AXDND1: variants seen among roughly 807,000 people sequenced by gnomAD.
AXDND1 encodes axonemal dynein light chain domain containing 1.
AXDND1 carries 110 observed loss-of-function variants against 137.5 expected under a neutral mutation model. The observed-to-expected ratio is 0.80, with a 90% CI of 0.69 to 0.94. The LOEUF (loss-of-function observed/expected upper bound fraction) is 0.94, where lower values mean the gene tolerates loss of function less well. AXDND1 is among the 40% of genes least tolerant of loss of function. The probability of loss-of-function intolerance (pLI) is 0.00; values close to 1 mark genes in which losing one functional copy is unlikely to be tolerated. For missense variants in AXDND1, 1,191 were observed against 1,169.8 expected (o/e 1.02, Z -0.26); for synonymous variants, 414 against 399.7 (o/e 1.04, Z -0.43).
At chr1:179,546,400 A>C (rs1049609132) in intron 25 of AXDND1, 4 of 151,932 alleles carry the variant, frequency 2.6e-5, no homozygotes, top group Non-Finnish European at 5.9e-5. Context: ...CTCCCAAGTA[A>C]CTGCTTTGTG....
At chr1:179,442,276 G>A (rs1303595068) in intron 15 of AXDND1, among the ~76,000 whole-genome samples, 1 of 152,180 alleles carries the variant, frequency 6.6e-6, no homozygotes, top group African/African-American at 2.4e-5. Context: ...GGAGCTGTGG[G>A]TGGGACGACA....
chr1:179,530,985 C>G (rs1360298142), intron 23 of AXDND1, among the ~76,000 whole-genome samples: 1 of 152,162 alleles, frequency 6.6e-6, no homozygotes, highest in Non-Finnish European at 1.5e-5. Flanking sequence ...GATGGAGTTA[C>G]TACTCAAATC....
intron 11 of AXDND1, among the ~76,000 whole-genome samples, chr1:179,406,645 T>G (rs1653014275): frequency 6.6e-6 from 1 of 152,178 alleles, no homozygotes; most frequent in Non-Finnish European, 1.5e-5. Flanking sequence ...TGACTTAAAT[T>G]CTGATTTATC....
chr1:179,429,321 G>A (rs1163625755), intron 12 of AXDND1, among the ~76,000 whole-genome samples, 197 bp from the exon 13 acceptor site: 1 of 152,120 alleles, frequency 6.6e-6, no homozygotes, highest in Non-Finnish European at 1.5e-5. Flanking sequence ...TTTTGGAGAA[G>A]TTTTGCTATA....
Position 179,534,773 on chromosome 1 carries a change from G to T in AXDND1, c.2842G>T (p.Asp948Tyr). Reference sequence around the variant, plus strand: ...CAGACAGGCAGAGGAGAAGTTTGAAGATGCATATGAGAAACTTCATCATAC... The same window carrying T: ...CAGACAGGCAGAGGAGAAGTTTGAATATGCATATGAGAAACTTCATCATAC... ...RARQAEEKFE[D>Y]AYEKLHHTLI... The change falls in exon 25 of 26, where the codon GAT (aspartate) becomes TAT (tyrosine). Residue 948 changes from aspartate to tyrosine, a missense_variant. By Grantham distance (160) the Asp-to-Tyr change is radical. Transcript: ENST00000367618. 1 of 1,597,890 alleles carries T rather than the reference G, an allele frequency of 6.3e-7. No individual in the cohort carries two copies. The highest frequency in any genetic ancestry group is 8.5e-7 in the Non-Finnish European group (1 of 1,176,380).
intron 9 of AXDND1, among the ~76,000 whole-genome samples, chr1:179,392,976 T>G (rs1434599637): frequency 2.6e-5 from 4 of 152,242 alleles, no homozygotes; most frequent in African/African-American, 9.6e-5. Context: ...TTTAGTTTAA[T>G]TAGGTCCCAT....
chr1:179,409,362 G>GT (rs1653493785), intron 11 of AXDND1, among the ~76,000 whole-genome samples: 1 of 151,714 alleles, frequency 6.6e-6, no homozygotes, highest in Non-Finnish European at 1.5e-5. Context: ...CACTTTTAGG[G>GT]GTTTTTTAAA....
At chr1:179,423,879 A>T (rs1258348730) in intron 12 of AXDND1, among the ~76,000 whole-genome samples, 1 of 152,192 alleles carries the variant, frequency 6.6e-6, no homozygotes, top group African/African-American at 2.4e-5. Context: ...TGAGTGGATT[A>T]CACACTACAG....
intron 6 of AXDND1, among the ~76,000 whole-genome samples, chr1:179,380,304 A>T (rs959738168): frequency 7.5e-6 from 1 of 133,702 alleles, no homozygotes; most frequent in African/African-American, 2.6e-5. Flanking sequence ...AATAAAAACT[A>T]AAAGTACTTA....
chr1:179,522,801 A>C (rs909800701), intron 21 of AXDND1, among the ~76,000 whole-genome samples: 1 of 150,698 alleles, frequency 6.6e-6, no homozygotes, highest in Non-Finnish European at 1.5e-5. Context: ...CAAGAAAAAA[A>C]GTATTTTCAT....
At chr1:179,488,458 G>C (rs752218540) in intron 18 of AXDND1, among the ~76,000 whole-genome samples, 1 of 147,854 alleles carries the variant, frequency 6.8e-6, no homozygotes, top group East Asian at 1.9e-4. Context: ...TAGAGATGGG[G>C]TTTCACCAAA....
chr1:179,552,536 A>G, intron 25 of AXDND1: 9 of 1,246,568 alleles, frequency 7.2e-6, no homozygotes, highest in Non-Finnish European at 1.1e-5. Flanking sequence ...AAGGAAGCAA[A>G]GGGGAAATGT....
intron 16 of AXDND1, chr1:179,454,818 G>C (rs61826000): frequency 0.31 from 47,142 of 152,002 alleles, 7,522 homozygotes; most frequent in Non-Finnish European, 0.33. Context: ...AAGACGCCAG[G>C]CACGGTGGCT....
At chr1:179,483,742 A>G (rs531192487) in intron 18 of AXDND1, among the ~76,000 whole-genome samples, 1 of 152,350 alleles carries the variant, frequency 6.6e-6, no homozygotes, top group East Asian at 1.9e-4. Flanking sequence ...TTACTTAGAA[A>G]GTGCCTTTAT....
At chr1:179,551,126 CTT>C in intron 25 of AXDND1, 1 of 1,612,434 alleles carries the variant, frequency 6.2e-7, no homozygotes, top group Non-Finnish European at 8.5e-7. Context: ...AGGCATGTGA[CTT>C]TTCTATGGCA....
chr1:179,525,167 G>A (rs1484806913), intron 21 of AXDND1, among the ~76,000 whole-genome samples, 167 bp from the exon 22 acceptor site: 1 of 152,242 alleles, frequency 6.6e-6, no homozygotes, highest in East Asian at 1.9e-4. Flanking sequence ...TTTCTTGTCC[G>A]TGAAATTAAT....
chr1:179,551,570 G>T, intron 25 of AXDND1: 1 of 1,130,886 alleles, frequency 8.8e-7, no homozygotes, highest in Non-Finnish European at 1.3e-6. Flanking sequence ...GCACGGTTAA[G>T]CATAGAACAT....
intron 17 of AXDND1, among the ~76,000 whole-genome samples, chr1:179,478,083 G>A (rs72721234): frequency 0.092 from 14,064 of 152,262 alleles, 918 homozygotes; most frequent in African/African-American, 0.17. Flanking sequence ...TTCTGCCTCT[G>A]TGGCTTTGTG....
intron 16 of AXDND1, chr1:179,452,466 A>T (rs1209359439): frequency 6.7e-6 from 1 of 150,034 alleles, no homozygotes; most frequent in Non-Finnish European, 1.5e-5. Context: ...AGGCGGGTGG[A>T]TCATGAGGTC....
Sources: gnomAD v4.1 joint callset for allele counts (sites outside exome capture counted in the v4.1 genomes callset) on GRCh38, gnomAD v4.1.1 for gene constraint, MANE v1.5 for transcripts, NCBI Gene and HGNC (gene_info 2026-07-23, HGNC 2026-07-21) for gene names.